The following CRPPA variants were observed in gnomAD, a reference collection of about 807,000 sequenced individuals.
CRPPA encodes the protein CDP-L-ribitol pyrophosphorylase A.
In CRPPA, 43 loss-of-function variants were observed where a neutral mutation model predicts 52.0. That is an observed-to-expected ratio of 0.83 (90% CI 0.65 to 1.07). The LOEUF (loss-of-function observed/expected upper bound fraction) is 1.07, where lower values mean the gene tolerates loss of function less well. CRPPA is among the 50% of genes least tolerant of loss of function. The probability of loss-of-function intolerance (pLI) is 0.00; values close to 1 mark genes in which losing one functional copy is unlikely to be tolerated. For missense variants in CRPPA, 629 were observed against 551.7 expected (o/e 1.14, Z -1.40); for synonymous variants, 250 against 203.5 (o/e 1.23, Z -1.94).
chr7:16,413,441 A>C (rs1788118016), intron 1 of CRPPA, among the ~76,000 whole-genome samples: 1 of 152,226 alleles, frequency 6.6e-6, no homozygotes, highest in Non-Finnish European at 1.5e-5. Flanking sequence ...CAAAATTTTA[A>C]GTCAAATTCA....
At chr7:16,104,780 G>C (rs957101328) in intron 9 of CRPPA, among the ~76,000 whole-genome samples, 1 of 151,900 alleles carries the variant, frequency 6.6e-6, no homozygotes, top group Non-Finnish European at 1.5e-5. Context: ...TGCGCCTGTA[G>C]TCCCAGCTAC....
chr7:16,262,947 T>C lies in CRPPA; in HGVS notation c.934-3935A>G, dbSNP rs926331677. On this transcript the variant is annotated intron_variant, in intron 6 of 9. Transcript: ENST00000407010. ...TACTGTTAATTTTGCTTATTTTCTATTGTTTTTAAAGCAATGGAGAAGGAA... is the reference window on the plus strand; with the variant it reads ...TACTGTTAATTTTGCTTATTTTCTACTGTTTTTAAAGCAATGGAGAAGGAA... Among the ~76,000 whole-genome samples the C allele has an allele frequency of 4.6e-5, 7 of 152,340 alleles. No individual in the cohort carries two copies. The East Asian group carries it at 1.4e-3, about 29-fold the overall frequency.
chr7:16,327,013 A>C (rs1785410798), intron 3 of CRPPA, among the ~76,000 whole-genome samples: 1 of 152,214 alleles, frequency 6.6e-6, no homozygotes, highest in South Asian at 2.1e-4. Context: ...ATGTTAGAAC[A>C]GTGAAAATTA....
intron 9 of CRPPA, among the ~76,000 whole-genome samples, chr7:16,145,114 T>C (rs892080847): frequency 2.0e-5 from 3 of 152,228 alleles, no homozygotes; most frequent in Non-Finnish European, 4.4e-5. Flanking sequence ...CTGCTGTCCC[T>C]GAAGCAGCAT....
chr7:16,384,582 A>G (rs562001604), intron 2 of CRPPA, among the ~76,000 whole-genome samples: 3 of 152,354 alleles, frequency 2.0e-5, no homozygotes, highest in South Asian at 4.1e-4. Context: ...AAGGCAGACA[A>G]TATAATAGAG....
intron 6 of CRPPA, among the ~76,000 whole-genome samples, chr7:16,267,002 T>C (rs1234130402): frequency 2.6e-5 from 4 of 152,202 alleles, no homozygotes; most frequent in Non-Finnish European, 4.4e-5. Context: ...GAAAAAGATA[T>C]AAACAGTAAT....
intron 5 of CRPPA, among the ~76,000 whole-genome samples, chr7:16,283,863 CAT>C (rs1784369589): frequency 6.6e-6 from 1 of 151,924 alleles, no homozygotes. Context: ...AATAAGGTAA[CAT>C]ATTTAATAAC....
At chr7:16,254,845 G>A (rs372483077) in intron 8 of CRPPA, among the ~76,000 whole-genome samples, 2 of 142,560 alleles carry the variant, frequency 1.4e-5, no homozygotes, top group East Asian at 2.1e-4. Flanking sequence ...AAGAAAGAAA[G>A]AGAAAGAAGA....
chr7:16,141,025 T>G (rs889565510), intron 9 of CRPPA, among the ~76,000 whole-genome samples: 5 of 152,140 alleles, frequency 3.3e-5, no homozygotes, highest in Admixed American at 6.5e-5. Flanking sequence ...CCTTCCCCAC[T>G]TGTCTAAGAT....
intron 5 of CRPPA, among the ~76,000 whole-genome samples, chr7:16,291,977 T>A (rs1339868961): frequency 1.3e-5 from 2 of 152,040 alleles, no homozygotes; most frequent in East Asian, 3.9e-4. Context: ...AAATTTCAAT[T>A]ATGCACTTTA....
intron 6 of CRPPA, among the ~76,000 whole-genome samples, chr7:16,271,529 A>T (rs1179839165): frequency 6.6e-6 from 1 of 152,076 alleles, no homozygotes; most frequent in Non-Finnish European, 1.5e-5. Context: ...TGCTACTCCC[A>T]CTTCCACTCC....
At chr7:16,371,613 G>T (rs1399761742) in intron 3 of CRPPA, among the ~76,000 whole-genome samples, 1 of 150,548 alleles carries the variant, frequency 6.6e-6, no homozygotes, top group Admixed American at 6.6e-5. Flanking sequence ...AAATAAGAAA[G>T]AATCAGAAAA....
intron 9 of CRPPA, among the ~76,000 whole-genome samples, chr7:16,186,898 T>C (rs1336406319): frequency 6.6e-6 from 1 of 152,174 alleles, no homozygotes; most frequent in East Asian, 1.9e-4. Context: ...TCAACGTTTG[T>C]TAACCTACGT....
chr7:16,230,290 C>G (rs542290952), intron 8 of CRPPA, among the ~76,000 whole-genome samples: 1 of 152,078 alleles, frequency 6.6e-6, no homozygotes, highest in African/African-American at 2.4e-5. Flanking sequence ...GTACCATAAA[C>G]CCTATAACCT....
Position 16,133,759 on chromosome 7 carries a change from A to G in CRPPA, c.1252-41960T>C, listed in dbSNP as rs190489883. On this transcript the variant is annotated intron_variant, in intron 9 of 9. Coordinates refer to ENST00000407010, the MANE Select transcript of CRPPA (RefSeq NM_001101426.4). ...AAAAGTCATGGCATTACCAAACAAA[A>G]AAGCTGAAATGCTTGATATGTACCA... Among the ~76,000 whole-genome samples, 11 of 124,746 alleles carry G rather than the reference A, an allele frequency of 8.8e-5. 1 individual carries two copies. Among genetic ancestry groups the G allele is most frequent in the African/African-American group, 2.9e-4 (11 of 38,486 alleles). 81.8% of individuals were successfully genotyped at this position (124,746 alleles called of 152,430 possible). A position where few individuals can be genotyped will look rare whatever the true frequency, so the allele number is the denominator to read the frequency against.
intron 8 of CRPPA, among the ~76,000 whole-genome samples, chr7:16,221,065 CA>C (rs1255662631): frequency 6.6e-6 from 1 of 152,120 alleles, no homozygotes; most frequent in Non-Finnish European, 1.5e-5. Context: ...CTACAGTAAC[CA>C]AAACAGCATG....
chr7:16,368,107 T>C (rs1179809448), intron 3 of CRPPA, among the ~76,000 whole-genome samples: 1 of 149,820 alleles, frequency 6.7e-6, no homozygotes, highest in African/African-American at 2.5e-5. Flanking sequence ...ATAACACCAA[T>C]TTTCACAGGA....
chr7:16,317,913 T>C (rs6972231), intron 3 of CRPPA, among the ~76,000 whole-genome samples: 6,741 of 152,274 alleles, frequency 0.044, 491 homozygotes, highest in African/African-American at 0.15. Context: ...ATTTGTTATT[T>C]CTCTAGTCTT....
chr7:16,258,710 A>G (rs368663077), intron 7 of CRPPA, among the ~76,000 whole-genome samples: 34 of 152,172 alleles, frequency 2.2e-4, no homozygotes, highest in African/African-American at 8.2e-4. Context: ...ACCAGGTACA[A>G]ACAAAATTGA....
Sources: allele counts gnomAD v4.1 joint callset (sites outside exome capture counted in the v4.1 genomes callset), GRCh38; gene constraint gnomAD v4.1.1; transcripts MANE v1.5; gene names NCBI Gene and HGNC (gene_info 2026-07-23, HGNC 2026-07-21).